UGGT2: variants seen among roughly 807,000 people sequenced by gnomAD.
UGGT2 encodes the protein UDP-glucose glycoprotein glucosyltransferase 2.
A neutral mutation model predicts 192.1 loss-of-function variants in UGGT2; 180 were observed. The ratio of observed to expected loss-of-function variants is 0.94; its 90% confidence interval spans 0.83 to 1.06. UGGT2 has a LOEUF of 1.06. Among genes scored for constraint, UGGT2 ranks in the 50% least tolerant of loss-of-function variants. The probability of loss-of-function intolerance (pLI) is 0.00; values close to 1 mark genes in which losing one functional copy is unlikely to be tolerated. For missense variants in UGGT2, 1,849 were observed against 1,795.7 expected, an observed-to-expected ratio of 1.03 and a Z score of -0.54; for synonymous variants, 580 against 591.0, an observed-to-expected ratio of 0.98 and a Z score of 0.27.
chr13:95,912,164 T>G (rs1040491750), intron 20 of UGGT2, among the ~76,000 whole-genome samples: 2 of 152,188 alleles, frequency 1.3e-5, no homozygotes, highest in African/African-American at 4.8e-5. Context: ...GCATTCCCTT[T>G]GAAAACGGGC....
chr13:95,925,683 G>C lies in UGGT2; in HGVS notation c.2292C>G (p.His764Gln). 1 of 1,534,686 alleles carries C rather than the reference G, an allele frequency of 6.5e-7. No homozygotes were observed. The change falls in exon 20 of 39, where the codon CAC becomes CAG. Residue 764 changes from histidine (H) to glutamine (Q), a missense_variant. Coordinates refer to ENST00000376747, the MANE Select transcript of UGGT2 (RefSeq NM_020121.4). ...GRKLLFNALK[H>Q]MKTSVHSRLG... ...GTAAGAATATCTAGGTACTCACCATGTGCTTTAATGCATTAAAAAGAAGTT... is the reference window on the plus strand; with the variant it reads ...GTAAGAATATCTAGGTACTCACCATCTGCTTTAATGCATTAAAAAGAAGTT...
intron 10 of UGGT2, chr13:95,983,596 C>T: frequency 1.6e-6 from 1 of 632,998 alleles, no homozygotes; most frequent in South Asian, 1.5e-5. Flanking sequence ...CTGGAATATA[C>T]TGTGAAATAA....
At chr13:95,831,224 T>C (rs1886645976) in intron 38 of UGGT2, among the ~76,000 whole-genome samples, 1 of 152,070 alleles carries the variant, frequency 6.6e-6, no homozygotes, top group Non-Finnish European at 1.5e-5. Context: ...CATGTATACA[T>C]ATGTAACAAA....
At chr13:95,961,356 A>C (rs966367891) in intron 12 of UGGT2, among the ~76,000 whole-genome samples, 1 of 152,174 alleles carries the variant, frequency 6.6e-6, no homozygotes, top group Non-Finnish European at 1.5e-5. Flanking sequence ...GCCTTAAAGA[A>C]ACTCATCTCA....
intron 5 of UGGT2, among the ~76,000 whole-genome samples, chr13:96,006,191 G>C (rs145169914): frequency 6.6e-6 from 1 of 152,180 alleles, no homozygotes; most frequent in Non-Finnish European, 1.5e-5. Context: ...TAGAACATAT[G>C]AGTGATCAGA....
chr13:95,925,983 G>C (rs1297914576), intron 19 of UGGT2, among the ~76,000 whole-genome samples: 1 of 151,810 alleles, frequency 6.6e-6, no homozygotes, highest in East Asian at 1.9e-4. Context: ...ATATAAAAAT[G>C]CTACAAGGGT....
intron 12 of UGGT2, among the ~76,000 whole-genome samples, chr13:95,963,902 ATATT>A (rs755772097): frequency 7.9e-5 from 12 of 152,162 alleles, no homozygotes; most frequent in Non-Finnish European, 1.3e-4. Context: ...GTTCAGATAA[ATATT>A]AAAATGATGA....
In UGGT2 at chr13:96,053,321, G is replaced by C. The variant is rs531377927; in HGVS notation, c.-9C>G. 1.3e-6 allele frequency: 2 copies of C among 1,581,562 alleles called. No individual in the cohort carries two copies. Among genetic ancestry groups the C allele is most frequent in the Non-Finnish European group, 8.5e-7 (1 of 1,173,196 alleles). ...GCTTTCGCTGGCGCCATGGCACGGA[G>C]AGAAAAGCGCGAGTCCCTCGGACCC... On this transcript the variant is annotated 5_prime_UTR_variant, in exon 1 of 39. Transcript: ENST00000376747.
chr13:96,051,453 C>T (rs575458750), intron 1 of UGGT2, among the ~76,000 whole-genome samples: 1 of 152,126 alleles, frequency 6.6e-6, no homozygotes, highest in Non-Finnish European at 1.5e-5. Context: ...TGCACATGTA[C>T]CCTAGAACTT....
In UGGT2 at chr13:96,048,668, C is replaced by T. The variant is rs542497708; in HGVS notation, c.158+4487G>A. Among the ~76,000 whole-genome samples, 8 of 152,246 alleles carry T rather than the reference C, an allele frequency of 5.3e-5. No individual in the cohort carries two copies. The South Asian group carries it at 1.2e-3, about 24-fold the overall frequency. ...ATAAAGGGGATATCACTACCAATCC[C>T]ACAGAAATCCAAACTACCATCAGAG... is the stretch of plus-strand genomic sequence containing the variant. On this transcript the variant is annotated intron_variant, in intron 1 of 38. Transcript: ENST00000376747.
At chr13:95,853,807 T>C (rs1373085291) in intron 35 of UGGT2, 150 bp from the exon 36 acceptor site, 3 of 515,934 alleles carry the variant, frequency 5.8e-6, no homozygotes, top group Non-Finnish European at 9.8e-6. Flanking sequence ...GCTCCTAATA[T>C]CTAATACTGT....
chr13:95,871,478 A>G (rs1376777351), intron 29 of UGGT2, among the ~76,000 whole-genome samples: 2 of 152,180 alleles, frequency 1.3e-5, no homozygotes, highest in African/African-American at 4.8e-5. Flanking sequence ...TAAACTCAGT[A>G]AGGTAGACAC....
chr13:95,847,226 A>G (rs563051026), intron 36 of UGGT2, among the ~76,000 whole-genome samples: 34 of 152,218 alleles, frequency 2.2e-4, no homozygotes, highest in African/African-American at 7.9e-4. Context: ...GTTCCTACAC[A>G]TGCATTACCT....
intron 36 of UGGT2, among the ~76,000 whole-genome samples, chr13:95,845,353 C>G (rs1462386553): frequency 5.2e-5 from 5 of 96,402 alleles, no homozygotes; most frequent in African/African-American, 1.6e-4. Context: ...TCCCTGGGTA[C>G]TTGAGATTAG....
At chr13:95,825,370 A>T (rs765951802) in intron 38 of UGGT2, among the ~76,000 whole-genome samples, 5 of 152,134 alleles carry the variant, frequency 3.3e-5, no homozygotes, top group Non-Finnish European at 7.4e-5. Flanking sequence ...AATTAGATGC[A>T]CTGATGTCTT....
At chr13:96,035,128 C>T (rs1409651870) in intron 1 of UGGT2, among the ~76,000 whole-genome samples, 1 of 152,148 alleles carries the variant, frequency 6.6e-6, no homozygotes, top group Non-Finnish European at 1.5e-5. Flanking sequence ...GCAAAAAGAA[C>T]AAAGCTGGAG....
rs1889615997 is a variant in UGGT2, at chr13:95,856,360, A to G, written c.3826-20T>C. The G allele has an allele frequency of 6.3e-7, 1 of 1,591,404 alleles. No individual in the cohort carries two copies. The highest frequency in any genetic ancestry group is 8.5e-7 in the Non-Finnish European group (1 of 1,174,950). ...TACTTCCTAAAAACACACACACAAA[A>G]TCAAACAATATGTTCAAGAGAAAGT... is the stretch of plus-strand genomic sequence containing the variant. On this transcript the variant is annotated intron_variant, in intron 33 of 38. Coordinates refer to ENST00000376747, the MANE Select transcript of UGGT2 (RefSeq NM_020121.4).
In UGGT2 at chr13:95,885,230, T is replaced by C. The variant is rs150816389; in HGVS notation, c.3039-550A>G. 9.2e-5 allele frequency among the ~76,000 whole-genome samples: 14 copies of C among 152,306 alleles called. 1 individual carries two copies. The highest frequency in any genetic ancestry group is 3.4e-4 in the African/African-American group (14 of 41,564). ...TGTATTTTAACCTCATCCTTCAATA[T>C]TGTGCACAGAATTATTATGTTATGC... On this transcript the variant is annotated intron_variant, in intron 26 of 38. Transcript: ENST00000376747.
At chr13:95,862,773 T>C (rs1890280425) in intron 31 of UGGT2, among the ~76,000 whole-genome samples, 1 of 152,204 alleles carries the variant, frequency 6.6e-6, no homozygotes, top group Admixed American at 6.5e-5. Flanking sequence ...ACCTAAGAGA[T>C]GGAGAAAGAT....
Sources: allele counts gnomAD v4.1 joint callset (sites outside exome capture counted in the v4.1 genomes callset), GRCh38; gene constraint gnomAD v4.1.1; transcripts MANE v1.5; gene names NCBI Gene and HGNC (gene_info 2026-07-23, HGNC 2026-07-21).